ZPBP: variants seen among roughly 807,000 people sequenced by gnomAD.
The protein encoded by ZPBP is zona pellucida-binding protein 1.
Under a neutral mutation model 44.8 loss-of-function variants are expected in ZPBP, and 26 were observed. That is an observed-to-expected ratio of 0.58 (90% CI 0.43 to 0.81). The LOEUF (loss-of-function observed/expected upper bound fraction) is 0.81. Ranked by LOEUF, ZPBP falls within the 30% of genes least tolerant of loss-of-function variation. The pLI, the probability that ZPBP is intolerant of heterozygous loss-of-function variation, is 0.00. For missense variants in ZPBP, 409 were observed against 434.0 expected (o/e 0.94, Z 0.51); for synonymous variants, 174 against 153.2 (o/e 1.14, Z -1.00).
At chr7:49,883,473 T>C (rs482797) in intron 2 of ZPBP, among the ~76,000 whole-genome samples, 4,238 of 152,262 alleles carry the variant, frequency 0.028, 212 homozygotes, top group African/African-American at 0.097. Flanking sequence ...TGGCATTAGA[T>C]TTAAACTAAC....
At chr7:49,848,934 C>G, downstream of ZPBP, among the ~76,000 whole-genome samples, 1 of 152,226 alleles carries the variant, frequency 6.6e-6, no homozygotes, top group East Asian at 1.9e-4. Flanking sequence ...GTCTCTGTAT[C>G]TCTTATATGA....
chr7:49,913,850 A>G (rs1488227051), intron 1 of ZPBP: 1 of 152,072 alleles, frequency 6.6e-6, no homozygotes, highest in African/African-American at 2.4e-5. Flanking sequence ...GAAAAATTAA[A>G]CTATTGTGAA....
intron 1 of ZPBP, among the ~76,000 whole-genome samples, chr7:49,903,143 T>G (rs959898297): frequency 6.6e-6 from 1 of 152,192 alleles, no homozygotes; most frequent in African/African-American, 2.4e-5. Context: ...TAAACTGGAT[T>G]CGTGGTTGGA....
chr7:49,902,435 G>A (rs979945771), intron 1 of ZPBP, among the ~76,000 whole-genome samples: 2 of 151,700 alleles, frequency 1.3e-5, no homozygotes, highest in African/African-American at 2.4e-5. Context: ...ACCCACAACA[G>A]TACAGCAAAT....
At chr7:49,985,952 G>C (rs1384936935) in intron 6 of ZPBP, among the ~76,000 whole-genome samples, 1 of 152,146 alleles carries the variant, frequency 6.6e-6, no homozygotes, top group African/African-American at 2.4e-5. Flanking sequence ...CTGTGAGTTG[G>C]GAGCCTGCTG....
intron 6 of ZPBP, among the ~76,000 whole-genome samples, chr7:50,012,115 A>T (rs1341268727): frequency 1.3e-5 from 2 of 152,058 alleles, no homozygotes; most frequent in Non-Finnish European, 2.9e-5. Flanking sequence ...ATCAGAAAAG[A>T]GAGATAATCA....
At chr7:50,083,040 T>C in intron 2 of ZPBP, among the ~76,000 whole-genome samples, 1 of 151,908 alleles carries the variant, frequency 6.6e-6, no homozygotes, top group East Asian at 1.9e-4. Context: ...TTTGTGATTT[T>C]ATTGATATAA....
chr7:49,944,098 G>A, intron 7 of ZPBP: 1 of 230,628 alleles, frequency 4.3e-6, no homozygotes, highest in Middle Eastern at 5.5e-4. Context: ...TTGGTAACTT[G>A]CTTTGTTTCA....
chr7:50,081,988 CAAT>C (rs2128852383), intron 2 of ZPBP, 89 bp from the exon 3 acceptor site: 3 of 1,450,626 alleles, frequency 2.1e-6, no homozygotes, highest in East Asian at 2.4e-5. Flanking sequence ...GGGTTACATG[CAAT>C]AATAAGAGTA....
Position 49,980,191 on chromosome 7 carries a change from G to A in ZPBP, c.961+3151C>T, listed in dbSNP as rs867917673. Among the ~76,000 whole-genome samples the A allele has an allele frequency of 7.6e-3, 784 of 103,424 alleles. 1 individual carries two copies. Among genetic ancestry groups the A allele is most frequent in the Middle Eastern group, 0.029 (4 of 138 alleles). The allele number at this position is 103,424 out of a possible 152,430, so 67.9% of individuals were successfully genotyped here. A position where few individuals can be genotyped will look rare whatever the true frequency, so the allele number is the denominator to read the frequency against. On this transcript the variant is annotated intron_variant, in intron 7 of 7. Coordinates refer to ENST00000046087, the MANE Select transcript of ZPBP (RefSeq NM_007009.3). ...ATAATTTAATTAATAAAATTAAATTGTATTATGTTATATGTTATATAATAT... is the reference window on the plus strand; with the variant it reads ...ATAATTTAATTAATAAAATTAAATTATATTATGTTATATGTTATATAATAT...
intron 3 of ZPBP, among the ~76,000 whole-genome samples, chr7:50,064,411 A>G (rs978982716): frequency 9.2e-5 from 14 of 152,310 alleles, no homozygotes; most frequent in South Asian, 2.1e-4. Context: ...CAGGGTTTTG[A>G]GATCAACCGG....
intron 1 of ZPBP, among the ~76,000 whole-genome samples, chr7:50,091,561 T>C (rs994621695): frequency 1.3e-5 from 2 of 152,168 alleles, no homozygotes; most frequent in Non-Finnish European, 2.9e-5. Context: ...GAAAAACCCT[T>C]GTAGACATCG....
chr7:49,899,698 GA>G (rs1792604046), intron 2 of ZPBP, among the ~76,000 whole-genome samples: 2 of 151,918 alleles, frequency 1.3e-5, no homozygotes, highest in Admixed American at 1.3e-4. Flanking sequence ...ACTGCAAGAA[GA>G]AACAGGTGAA....
intron 1 of ZPBP, chr7:49,915,679 G>A (rs1311017425): frequency 6.6e-6 from 1 of 152,140 alleles, no homozygotes; most frequent in Admixed American, 6.6e-5. Flanking sequence ...ATTTAAACAT[G>A]TAGAAAACAA....
At chr7:50,000,278 T>C (rs1304235855) in intron 6 of ZPBP, among the ~76,000 whole-genome samples, 6 of 152,162 alleles carry the variant, frequency 3.9e-5, no homozygotes, top group Non-Finnish European at 5.9e-5. Flanking sequence ...GATTTCTCAT[T>C]CCCAAGGAAA....
intron 2 of ZPBP, among the ~76,000 whole-genome samples, chr7:49,881,180 G>A (rs948618501): frequency 6.6e-6 from 1 of 152,086 alleles, no homozygotes; most frequent in East Asian, 1.9e-4. Flanking sequence ...AGGCTCAGGA[G>A]GTGAAGCTGA....
chr7:49,899,241 A>G (rs983409770), intron 2 of ZPBP, among the ~76,000 whole-genome samples: 2 of 152,194 alleles, frequency 1.3e-5, no homozygotes, highest in South Asian at 4.1e-4. Context: ...CATACACACC[A>G]AGAATATGCT....
chr7:49,953,114 A>T (rs769370140), intron 7 of ZPBP, among the ~76,000 whole-genome samples: 15 of 152,126 alleles, frequency 9.9e-5, no homozygotes, highest in African/African-American at 1.4e-4. Context: ...GTCTTGAGTG[A>T]GTTTTCAAAT....
At chr7:49,968,657 A>G (rs1796160069) in intron 7 of ZPBP, among the ~76,000 whole-genome samples, 1 of 152,076 alleles carries the variant, frequency 6.6e-6, no homozygotes, top group Non-Finnish European at 1.5e-5. Flanking sequence ...CAGGCCTATA[A>G]CTTAGCCATT....
Sources: gnomAD v4.1 joint callset for allele counts (sites outside exome capture counted in the v4.1 genomes callset) on GRCh38, gnomAD v4.1.1 for gene constraint, MANE v1.5 for transcripts, NCBI Gene and HGNC (gene_info 2026-07-23, HGNC 2026-07-21) for gene names.